KLHL2: variants seen among roughly 807,000 people sequenced by gnomAD.
KLHL2 encodes kelch-like protein 2.
In KLHL2, 15 loss-of-function variants were observed where a neutral mutation model predicts 75.8. That is an observed-to-expected ratio of 0.20 (90% CI 0.13 to 0.30). The LOEUF (loss-of-function observed/expected upper bound fraction) is 0.30, where lower values mean the gene tolerates loss of function less well. Among genes scored for constraint, KLHL2 ranks in the 10% least tolerant of loss-of-function variants. The probability of loss-of-function intolerance (pLI) is 1.00; values close to 1 mark genes in which losing one functional copy is unlikely to be tolerated. For synonymous variants in KLHL2, 214 were observed against 251.9 expected, an observed-to-expected ratio of 0.85 and a Z score of 1.42; for missense variants, 381 against 741.0, an observed-to-expected ratio of 0.51 and a Z score of 5.64.
intron 14 of KLHL2, among the ~76,000 whole-genome samples, chr4:165,320,603 T>C (rs983741680): frequency 2.0e-5 from 3 of 152,084 alleles, no homozygotes; most frequent in African/African-American, 7.2e-5. Context: ...ATGGAAAAAA[T>C]TGCCAGTGCT....
At chr4:165,291,625 C>G (rs550023540) in intron 5 of KLHL2, among the ~76,000 whole-genome samples, 1 of 152,254 alleles carries the variant, frequency 6.6e-6, no homozygotes, top group African/African-American at 2.4e-5. Context: ...TGTCACAGAT[C>G]AGTTGCCTGT....
intron 11 of KLHL2, among the ~76,000 whole-genome samples, chr4:165,312,526 T>C (rs533392042): frequency 6.6e-6 from 1 of 152,160 alleles, no homozygotes; most frequent in African/African-American, 2.4e-5. Flanking sequence ...TATTGTGATA[T>C]AATCCACATC....
intron 4 of KLHL2, among the ~76,000 whole-genome samples, chr4:165,255,789 A>G (rs776766627): frequency 6.6e-6 from 1 of 152,106 alleles, no homozygotes; most frequent in Non-Finnish European, 1.5e-5. Context: ...CAGGATAGCT[A>G]TGGCTAGCTG....
At chr4:165,253,108 T>C (rs1740874569) in intron 4 of KLHL2, among the ~76,000 whole-genome samples, 1 of 152,328 alleles carries the variant, frequency 6.6e-6, no homozygotes, top group Non-Finnish European at 1.5e-5. Flanking sequence ...CTCGGCTCAC[T>C]GCAACCTCTG....
intron 3 of KLHL2, among the ~76,000 whole-genome samples, chr4:165,230,554 G>A (rs1343087994): frequency 6.7e-6 from 1 of 148,814 alleles, no homozygotes; most frequent in Non-Finnish European, 1.5e-5. Flanking sequence ...AGATTGGAAA[G>A]CTTTAAGCTA....
chr4:165,251,403 A>G (rs1442449448), intron 4 of KLHL2, among the ~76,000 whole-genome samples: 1 of 152,076 alleles, frequency 6.6e-6, no homozygotes, highest in Non-Finnish European at 1.5e-5. Flanking sequence ...CATAGTTTTA[A>G]TCAAAATATT....
At chr4:165,231,182 A>C (rs1388007564) in intron 3 of KLHL2, among the ~76,000 whole-genome samples, 3 of 152,164 alleles carry the variant, frequency 2.0e-5, no homozygotes, top group African/African-American at 7.2e-5. Context: ...GGCTGGATGC[A>C]ATGGCTCACA....
At chr4:165,280,084 C>T (rs1011627290) in intron 5 of KLHL2, among the ~76,000 whole-genome samples, 1 of 152,168 alleles carries the variant, frequency 6.6e-6, no homozygotes, top group Non-Finnish European at 1.5e-5. Flanking sequence ...TTCTCATTCT[C>T]TTGTATTTCT....
At chr4:165,289,788 C>G (rs1232394827) in intron 5 of KLHL2, among the ~76,000 whole-genome samples, 1 of 152,138 alleles carries the variant, frequency 6.6e-6, no homozygotes, top group African/African-American at 2.4e-5. Context: ...GTCAGTGAAG[C>G]AGAGACTAAG....
intron 5 of KLHL2, among the ~76,000 whole-genome samples, chr4:165,268,629 G>T (rs1742438043): frequency 6.6e-6 from 1 of 152,224 alleles, no homozygotes; most frequent in Non-Finnish European, 1.5e-5. Context: ...GGTTTTGAGT[G>T]AATTTCTTAA....
chr4:165,226,244 C>T (rs1738421488), intron 2 of KLHL2, among the ~76,000 whole-genome samples: 2 of 152,222 alleles, frequency 1.3e-5, no homozygotes, highest in Admixed American at 6.5e-5. Context: ...CCCTGCTTAC[C>T]TGCCTCCAGA....
intron 5 of KLHL2, among the ~76,000 whole-genome samples, chr4:165,287,602 A>C (rs1210598909): frequency 1.3e-5 from 2 of 152,062 alleles, no homozygotes; most frequent in African/African-American, 4.8e-5. Flanking sequence ...ATTATTTTAT[A>C]ATCTTACCAA....
intron 4 of KLHL2, among the ~76,000 whole-genome samples, chr4:165,250,079 A>C (rs956105753): frequency 3.3e-5 from 5 of 150,134 alleles, no homozygotes; most frequent in African/African-American, 4.9e-5. Context: ...AGCCGAGATC[A>C]CCCCACTGCA....
At chr4:165,251,153 C>T (rs1740670162) in intron 4 of KLHL2, among the ~76,000 whole-genome samples, 1 of 151,420 alleles carries the variant, frequency 6.6e-6, no homozygotes, top group Non-Finnish European at 1.5e-5. Flanking sequence ...TACATAAATT[C>T]CTGTATCAAA....
At chr4:165,276,701 A>T (rs1312772514) in intron 5 of KLHL2, among the ~76,000 whole-genome samples, 2 of 152,182 alleles carry the variant, frequency 1.3e-5, no homozygotes, top group African/African-American at 4.8e-5. Flanking sequence ...CTAAGCAGAG[A>T]TAATTTTGTC....
In KLHL2 at chr4:165,228,671, T is replaced by C. The variant is rs554692915; in HGVS notation, c.153-136T>C. On this transcript the variant is annotated intron_variant, in intron 2 of 14. Coordinates refer to ENST00000226725, the MANE Select transcript of KLHL2 (RefSeq NM_007246.4). ...CTATGTACTTCATGTTTAGGGATCA[T>C]GTCCCAAAGGATGGCTGTCTTTTAC... 233 of 588,074 alleles carry C rather than the reference T, an allele frequency of 4.0e-4. 1 individual carries two copies. The highest frequency in any genetic ancestry group is 7.8e-4 in the Admixed American group (28 of 35,980). 36.4% of individuals were successfully genotyped at this position (588,074 alleles called of 1,614,324 possible).
At chr4:165,264,723 T>TATATATATATATATATATATAC (rs1560783892) in intron 5 of KLHL2, among the ~76,000 whole-genome samples, 4 of 70,508 alleles carry the variant, frequency 5.7e-5, no homozygotes, top group African/African-American at 5.4e-5. Flanking sequence ...TATATATACA[T>TATATATATATATATATATATAC]ATATATATAT....
intron 1 of KLHL2, among the ~76,000 whole-genome samples, chr4:165,219,062 GC>G (rs1192293637): frequency 2.0e-5 from 3 of 152,044 alleles, no homozygotes; most frequent in Admixed American, 2.0e-4. Context: ...GTTAATTCTT[GC>G]CCCCCTCCTC....
intron 5 of KLHL2, among the ~76,000 whole-genome samples, chr4:165,275,192 A>C (rs1299578279): frequency 6.6e-6 from 1 of 151,942 alleles, no homozygotes; most frequent in Non-Finnish European, 1.5e-5. Context: ...TAAAAATGAA[A>C]TTTTTCTCAG....
Sources: allele counts gnomAD v4.1 joint callset (sites outside exome capture counted in the v4.1 genomes callset), GRCh38; gene constraint gnomAD v4.1.1; transcripts MANE v1.5; gene names NCBI Gene and HGNC (gene_info 2026-07-23, HGNC 2026-07-21).